Variants in PIEZO1 observed in about 807,000 individuals in gnomAD.
PIEZO1 encodes the protein piezo type mechanosensitive ion channel component 1 (Er blood group).
PIEZO1 carries 296 observed loss-of-function variants against 297.2 expected under a neutral mutation model. The ratio of observed to expected loss-of-function variants is 1.00; its 90% CI spans 0.91 to 1.10. PIEZO1 has a LOEUF of 1.10. Among genes scored for constraint, PIEZO1 ranks in the 50% least tolerant of loss-of-function variants. The pLI is 0.00. For synonymous variants in PIEZO1, 2,427 were observed against 1,507.5 expected (o/e 1.61, Z -14.13); for missense variants, 5,018 against 3,455.5 (o/e 1.45, Z -11.34).
At chr16:88,774,072 G>A (rs951021586) in intron 1 of PIEZO1, among the ~76,000 whole-genome samples, 8 of 152,242 alleles carry the variant, frequency 5.3e-5, no homozygotes, top group African/African-American at 1.9e-4. Flanking sequence ...GGTCTGGGAT[G>A]CAGCTCCCAA....
intron 1 of PIEZO1, among the ~76,000 whole-genome samples, chr16:88,768,245 C>A (rs1474543267): frequency 1.3e-5 from 2 of 152,236 alleles, no homozygotes; most frequent in African/African-American, 4.8e-5. Context: ...CCCCTCCCCC[C>A]ACATCCCAGC....
chr16:88,779,730 T>C (rs1280802820), intron 1 of PIEZO1, among the ~76,000 whole-genome samples: 2 of 152,224 alleles, frequency 1.3e-5, no homozygotes, highest in Non-Finnish European at 2.9e-5. Flanking sequence ...AAGGAGCCTC[T>C]GTGCTCCTGG....
intron 43 of PIEZO1, 21 bp from the exon 44 acceptor site, chr16:88,719,742 C>T (rs1221174365): frequency 5.2e-6 from 8 of 1,550,366 alleles, no homozygotes; most frequent in Admixed American, 2.0e-5. Context: ...CCAGGGTTCC[C>T]GTCAGGTGGG....
Position 88,723,802 on chromosome 16 carries a change from T to C in PIEZO1, c.4335+69A>G. ...GGCCCTGGGGGCATCTGACACCCTC[T>C]ATGCTGCCCTGGTCCAGGACCACAA... On this transcript the variant is annotated intron_variant, in intron 31 of 50. Transcript: ENST00000301015. 8.3e-6 allele frequency: 7 copies of C among 843,242 alleles called. No homozygotes were observed. The South Asian group carries it at 1.1e-4, about 13-fold the overall frequency. The allele number at this position is 843,242 out of a possible 1,614,324, so 52.2% of individuals were successfully genotyped here. A position where few individuals can be genotyped will look rare whatever the true frequency, so the allele number is the denominator to read the frequency against.
chr16:88,725,124 A>C, intron 29 of PIEZO1, 44 bp from the exon 30 acceptor site: 1 of 1,386,156 alleles, frequency 7.2e-7, no homozygotes, highest in Non-Finnish European at 9.8e-7. Flanking sequence ...TCAAGCCACC[A>C]GGAGGGGTCG....
At position 88,719,668 on chromosome 16, in the gene PIEZO1, C is replaced by T; in HGVS notation, c.6377G>A (p.Trp2126Ter). 6.4e-7 allele frequency: 1 copy of T among 1,553,794 alleles called. No individual in the cohort carries two copies. The highest frequency in any genetic ancestry group is 8.7e-7 in the Non-Finnish European group (1 of 1,148,886). The part of the protein sequence containing the change: ...VELRAVMDWV[W>*]TDTTLSLSSW... The stretch of plus-strand genomic sequence containing the variant: ...GGACAGGGACAGCGTGGTGTCCGTC[C>T]ACACCCAGTCCATCACTGCCCGCAG... The change falls in exon 44 of 51, where the codon TGG (tryptophan) becomes TAG (stop). Residue 2126 changes from tryptophan to a stop codon, truncating the protein, a stop_gained. Coordinates refer to ENST00000301015, the MANE Select transcript of PIEZO1 (RefSeq NM_001142864.4). LOFTEE classifies it high-confidence loss of function.
At chr16:88,761,541 G>C (rs1280209384) in intron 1 of PIEZO1, among the ~76,000 whole-genome samples, 1 of 152,182 alleles carries the variant, frequency 6.6e-6, no homozygotes, top group Non-Finnish European at 1.5e-5. Flanking sequence ...GGGTGGGGGC[G>C]GGTGAGCTGG....
chr16:88,756,872 C>T (rs12598064), intron 1 of PIEZO1, among the ~76,000 whole-genome samples: 39,239 of 151,960 alleles, frequency 0.26, 5,560 homozygotes, highest in South Asian at 0.4. Flanking sequence ...GTCAGGAGAT[C>T]GAGACCATCC....
chr16:88,719,293 A>G (rs937762434), intron 44 of PIEZO1: 3 of 423,166 alleles, frequency 7.1e-6, no homozygotes, highest in Admixed American at 7.9e-5. Flanking sequence ...TGCAGCAAAC[A>G]GTGGCTGTCC....
At chr16:88,737,005 C>G in intron 10 of PIEZO1, 2 of 373,070 alleles carry the variant, frequency 5.4e-6, no homozygotes, top group Non-Finnish European at 9.7e-6. Flanking sequence ...TCCAGCTCTG[C>G]GCACCTGAAG....
At position 88,767,263 on chromosome 16, in the gene PIEZO1, G is replaced by T. The variant is rs528674293; in HGVS notation, c.64+17638C>A. Among the ~76,000 whole-genome samples, 239 of 152,304 alleles carry T rather than the reference G, an allele frequency of 1.6e-3. 2 individuals carry two copies. Among genetic ancestry groups the T allele is most frequent in the African/African-American group, 5.5e-3 (229 of 41,550 alleles). ...TCTGGAATTCCATCCAGGGCCATCT[G>T]CAAGGGCATCCCTGGCCTGTGGCTG... On this transcript the variant is annotated intron_variant, in intron 1 of 50. Coordinates refer to ENST00000301015, the MANE Select transcript of PIEZO1 (RefSeq NM_001142864.4).
chr16:88,737,461 C>G (rs563135818), intron 10 of PIEZO1, 98 bp downstream of exon 10: 2 of 795,686 alleles, frequency 2.5e-6, no homozygotes, highest in African/African-American at 1.8e-5. Context: ...AGAGGTGCGG[C>G]GCGAGCATGC....
intron 1 of PIEZO1, among the ~76,000 whole-genome samples, chr16:88,756,524 C>T (rs1033736149): frequency 6.6e-6 from 1 of 152,190 alleles, no homozygotes; most frequent in Non-Finnish European, 1.5e-5. Flanking sequence ...GAGGCCGAGG[C>T]GGGAAGATGG....
Position 88,723,214 on chromosome 16 carries a change from C to T in PIEZO1, c.4438+12G>A, listed in dbSNP as rs1300276966. ...CGGCTTCCCCTCAGAGTCCCCACGCCCCCCAGCTCACCTGTGGGTAGCTGT... is the reference window on the plus strand; with the variant it reads ...CGGCTTCCCCTCAGAGTCCCCACGCTCCCCAGCTCACCTGTGGGTAGCTGT... On this transcript the variant is annotated intron_variant, in intron 32 of 50. Transcript: ENST00000301015. 3.2e-6 allele frequency: 5 copies of T among 1,548,386 alleles called. No individual in the cohort carries two copies. The highest frequency in any genetic ancestry group is 1.2e-5 in the South Asian group (1 of 84,054).
chr16:88,720,071 C>A lies in PIEZO1; in HGVS notation c.6162G>T (p.Glu2054Asp). 3.9e-6 allele frequency: 6 copies of A among 1,550,272 alleles called. No individual in the cohort carries two copies. The highest frequency in any genetic ancestry group is 5.2e-6 in the Non-Finnish European group (6 of 1,146,888). ...WMFFILPAVT[E>D]RMFNQNVVAQ... ...AGCGCCCCCACGCGTGGGCCCACCT[C>A]TCAGTGACGGCGGGCAGGATGAAGA... is the stretch of plus-strand genomic sequence containing the variant. Residue 2054 changes from glutamate to aspartate, a missense_variant and splice_region_variant, in exon 42 of 51, where the codon GAG (glutamate) becomes GAT (aspartate). Transcript: ENST00000301015.
chr16:88,780,134 T>C (rs536333882), intron 1 of PIEZO1, among the ~76,000 whole-genome samples: 11 of 152,242 alleles, frequency 7.2e-5, no homozygotes, highest in Non-Finnish European at 1.6e-4. Flanking sequence ...GCCCCCGTCC[T>C]CCCAGTGACC....
At chr16:88,757,644 G>C (rs975771495) in intron 1 of PIEZO1, among the ~76,000 whole-genome samples, 1 of 152,136 alleles carries the variant, frequency 6.6e-6, no homozygotes, top group Admixed American at 6.5e-5. Flanking sequence ...TGGGAAGCAG[G>C]AGAGCCCGAG....
chr16:88,755,687 C>A (rs4782346), intron 1 of PIEZO1, among the ~76,000 whole-genome samples: 3 of 152,136 alleles, frequency 2.0e-5, no homozygotes, highest in South Asian at 2.1e-4. Flanking sequence ...GCCTTTTCAC[C>A]GAACGGTGGC....
chr16:88,729,899 G>A (rs146257498), intron 22 of PIEZO1, among the ~76,000 whole-genome samples: 1 of 152,236 alleles, frequency 6.6e-6, no homozygotes, highest in Non-Finnish European at 1.5e-5. Context: ...TGCCACAGAG[G>A]GAACCTCACG....
Sources: allele counts gnomAD v4.1 joint callset (sites outside exome capture counted in the v4.1 genomes callset), GRCh38; gene constraint gnomAD v4.1.1; transcripts MANE v1.5; gene names NCBI Gene and HGNC (gene_info 2026-07-23, HGNC 2026-07-21).